Variants in C10orf90 observed in about 807,000 individuals in gnomAD.
C10orf90 encodes chromosome 10 open reading frame 90, also known as (E2-independent) E3 ubiquitin-conjugating enzyme FATS.
Under a neutral mutation model 62.5 loss-of-function variants are expected in C10orf90, and 56 were observed. The observed-to-expected ratio is 0.90, with a 90% CI of 0.72 to 1.12. C10orf90 has a LOEUF of 1.12. Among genes scored for constraint, C10orf90 ranks in the 50% most tolerant of loss-of-function variants. The pLI is 0.00. For synonymous variants in C10orf90, 386 were observed against 340.4 expected, an observed-to-expected ratio of 1.13 and a Z score of -1.47; for missense variants, 970 against 880.4, an observed-to-expected ratio of 1.10 and a Z score of -1.29.
chr10:126,523,723 T>C (rs1202138441), intron 2 of C10orf90: 2 of 152,084 alleles, frequency 1.3e-5, no homozygotes, highest in Non-Finnish European at 2.9e-5. Flanking sequence ...CATTAAACAC[T>C]AACTCCCCCT....
At chr10:126,464,024 A>C (rs983991016) in intron 5 of C10orf90, among the ~76,000 whole-genome samples, 1 of 152,212 alleles carries the variant, frequency 6.6e-6, no homozygotes, top group Non-Finnish European at 1.5e-5. Context: ...TTCTTTGAGA[A>C]CATCTTTAGA....
At chr10:126,529,418 A>G (rs1864034968) in intron 2 of C10orf90, among the ~76,000 whole-genome samples, 1 of 152,206 alleles carries the variant, frequency 6.6e-6, no homozygotes, top group Non-Finnish European at 1.5e-5. Flanking sequence ...GATTCCATAA[A>G]GAGAGGAGGC....
chr10:126,495,941 T>C (rs944155372), intron 4 of C10orf90, among the ~76,000 whole-genome samples: 4 of 152,222 alleles, frequency 2.6e-5, no homozygotes, highest in African/African-American at 9.6e-5. Flanking sequence ...TGCTCGGCAC[T>C]CTTTACGTAA....
At chr10:126,640,818 G>T (rs866573304) in intron 2 of C10orf90, among the ~76,000 whole-genome samples, 4 of 152,218 alleles carry the variant, frequency 2.6e-5, no homozygotes, top group Non-Finnish European at 5.9e-5. Flanking sequence ...CTCTGAGGGG[G>T]AAAGGCACTA....
intron 2 of C10orf90, among the ~76,000 whole-genome samples, chr10:126,621,586 T>C (rs1845644553): frequency 6.6e-6 from 1 of 152,238 alleles, no homozygotes; most frequent in Non-Finnish European, 1.5e-5. Flanking sequence ...GCTTTGTGCA[T>C]GGAAAGAATT....
intron 4 of C10orf90, among the ~76,000 whole-genome samples, chr10:126,469,651 G>A (rs1409467887): frequency 6.6e-6 from 1 of 152,140 alleles, no homozygotes; most frequent in Non-Finnish European, 1.5e-5. Flanking sequence ...AATGCTCTTT[G>A]CCATGAACCT....
At chr10:126,580,627 T>C (rs1171267309) in intron 2 of C10orf90, among the ~76,000 whole-genome samples, 3 of 141,886 alleles carry the variant, frequency 2.1e-5, no homozygotes, top group South Asian at 2.2e-4. Context: ...CACTCCAGCC[T>C]GGGCAACAGA....
At chr10:126,653,484 T>C (rs1239630887) in intron 1 of C10orf90, among the ~76,000 whole-genome samples, 1 of 152,234 alleles carries the variant, frequency 6.6e-6, no homozygotes, top group Non-Finnish European at 1.5e-5. Flanking sequence ...TTCTCATCCA[T>C]TAAAGTTTTA....
At chr10:126,491,609 A>G (rs1861778207) in intron 4 of C10orf90, among the ~76,000 whole-genome samples, 1 of 152,238 alleles carries the variant, frequency 6.6e-6, no homozygotes, top group South Asian at 2.1e-4. Flanking sequence ...CACACTTAGG[A>G]GCATCTGAAA....
At chr10:126,628,396 G>T (rs1845788677) in intron 2 of C10orf90, among the ~76,000 whole-genome samples, 1 of 152,172 alleles carries the variant, frequency 6.6e-6, no homozygotes, top group Non-Finnish European at 1.5e-5. Context: ...CGGATGGATG[G>T]ATGGATAGAC....
intron 4 of C10orf90, among the ~76,000 whole-genome samples, chr10:126,497,296 G>C (rs1351351795): frequency 6.6e-6 from 1 of 152,144 alleles, no homozygotes. Context: ...GGATGGTATT[G>C]GTCAGAAAAG....
At chr10:126,656,601 C>A (rs1407286626) in intron 1 of C10orf90, among the ~76,000 whole-genome samples, 1 of 152,220 alleles carries the variant, frequency 6.6e-6, no homozygotes, top group Non-Finnish European at 1.5e-5. Flanking sequence ...CACAATACTA[C>A]ATACTTCAGG....
chr10:126,544,770 AG>A (rs1349026546), intron 2 of C10orf90, among the ~76,000 whole-genome samples: 1 of 152,126 alleles, frequency 6.6e-6, no homozygotes, highest in Non-Finnish European at 1.5e-5. Flanking sequence ...GGTCCTCTGA[AG>A]TCCATTCTTC....
rs551091507 is a variant in C10orf90, at chr10:126,490,823, C to T, written c.1534+13134G>A. Among the ~76,000 whole-genome samples, 73 of 151,806 alleles carry T rather than the reference C, an allele frequency of 4.8e-4. 1 individual carries two copies. Among genetic ancestry groups the T allele is most frequent in the African/African-American group, 1.7e-3 (69 of 41,404 alleles). On this transcript the variant is annotated intron_variant, in intron 4 of 9. Transcript: ENST00000488181. ...CCCATCACTTCTACTCAACATTGTACGAAAAGCCTTACCTAGAGCAATAAG... is the reference window on the plus strand; with the variant it reads ...CCCATCACTTCTACTCAACATTGTATGAAAAGCCTTACCTAGAGCAATAAG...
chr10:126,450,789 T>G (rs1590924669), intron 7 of C10orf90, among the ~76,000 whole-genome samples: 1 of 152,174 alleles, frequency 6.6e-6, no homozygotes, highest in East Asian at 1.9e-4. Context: ...GGGCAATAAT[T>G]TTTTGGATGT....
intron 2 of C10orf90, among the ~76,000 whole-genome samples, chr10:126,586,575 C>T (rs1280104744): frequency 6.6e-6 from 1 of 152,122 alleles, no homozygotes; most frequent in Admixed American, 6.6e-5. Context: ...CCTTTTCTTT[C>T]TGGAAAGTCT....
rs61651582 is a variant in C10orf90 at position 126,506,919 on chromosome 10, A to AGTGTGTGTGTGTGTGT, written c.406-1850_406-1835dup. Among the ~76,000 whole-genome samples, 116 of 149,430 alleles carry AGTGTGTGTGTGTGTGT rather than the reference A, an allele frequency of 7.8e-4. No homozygotes were observed. The Middle Eastern group carries it at 0.01, about 13-fold the overall frequency. ...AAGTCCACATGGCTGCAGGAGGGCC[A>AGTGTGTGTGTGTGTGT]GTGTGTGTGTGTGTGTGTGTGTGTG... On this transcript the variant is annotated intron_variant, in intron 3 of 9. Coordinates refer to ENST00000488181, the MANE Select transcript of C10orf90 (RefSeq NM_001350921.2).
chr10:126,662,133 A>T (rs1304042719), intron 1 of C10orf90, among the ~76,000 whole-genome samples: 2 of 151,892 alleles, frequency 1.3e-5, no homozygotes, highest in African/African-American at 4.8e-5. Flanking sequence ...CAGCTAAACC[A>T]CTTGAGGAAT....
chr10:126,468,155 G>A (rs528080848), intron 4 of C10orf90, among the ~76,000 whole-genome samples: 20 of 150,304 alleles, frequency 1.3e-4, no homozygotes, highest in African/African-American at 3.2e-4. Context: ...TGCAACCTCC[G>A]CCTTCCGGGT....
Sources: gnomAD v4.1 joint callset for allele counts (sites outside exome capture counted in the v4.1 genomes callset) on GRCh38, gnomAD v4.1.1 for gene constraint, MANE v1.5 for transcripts, NCBI Gene and HGNC (gene_info 2026-07-23, HGNC 2026-07-21) for gene names.